ADGRB3: variants seen among roughly 807,000 people sequenced by gnomAD.
ADGRB3 encodes brain-specific angiogenesis inhibitor 3.
Under a neutral mutation model 193.4 loss-of-function variants are expected in ADGRB3, and 37 were observed. The ratio of observed to expected loss-of-function variants is 0.19; its 90% confidence interval spans 0.15 to 0.25. The LOEUF (loss-of-function observed/expected upper bound fraction) is 0.25, where lower values mean the gene tolerates loss of function less well. Among genes scored for constraint, ADGRB3 ranks in the 10% least tolerant of loss-of-function variants. ADGRB3 has a pLI of 1.00. For synonymous variants in ADGRB3, 690 were observed against 644.2 expected (o/e 1.07, Z -1.08); for missense variants, 1,637 against 1,852.9 (o/e 0.88, Z 2.14).
intron 3 of ADGRB3, among the ~76,000 whole-genome samples, chr6:68,853,434 G>A (rs997338494): frequency 5.9e-5 from 9 of 151,914 alleles, no homozygotes; most frequent in Admixed American, 1.3e-4. Flanking sequence ...TTTTCATCCT[G>A]TAGTGATTCT....
intron 13 of ADGRB3, among the ~76,000 whole-genome samples, chr6:69,040,361 CTT>C (rs761303233): frequency 0.089 from 6,562 of 73,926 alleles, 299 homozygotes; most frequent in Middle Eastern, 0.11. Context: ...TTCTTTCTTT[CTT>C]TCTTTCTTTC....
chr6:69,274,623 C>CTTCCTTCCT, intron 20 of ADGRB3, among the ~76,000 whole-genome samples: 1 of 130,394 alleles, frequency 7.7e-6, no homozygotes, highest in Non-Finnish European at 1.6e-5. Flanking sequence ...CCCTCCCTCC[C>CTTCCTTCCT]TTCCTTCCTT....
chr6:68,912,419 C>G (rs1422736794), intron 3 of ADGRB3, among the ~76,000 whole-genome samples: 2 of 150,928 alleles, frequency 1.3e-5, no homozygotes, highest in African/African-American at 4.9e-5. Flanking sequence ...GCACAATGTG[C>G]AGGTTAGTTA....
At chr6:69,007,013 A>G (rs1050452808) in intron 11 of ADGRB3, among the ~76,000 whole-genome samples, 1 of 152,066 alleles carries the variant, frequency 6.6e-6, no homozygotes, top group Non-Finnish European at 1.5e-5. Context: ...AAACCTGCCC[A>G]CTGGGTCTCT....
chr6:68,805,220 T>C (rs1399203837), intron 3 of ADGRB3, among the ~76,000 whole-genome samples: 1 of 152,202 alleles, frequency 6.6e-6, no homozygotes, highest in African/African-American at 2.4e-5. Context: ...GGATTACAGG[T>C]GTGAGCCACT....
chr6:69,270,275 G>A (rs1396196792), intron 20 of ADGRB3, among the ~76,000 whole-genome samples: 2 of 152,056 alleles, frequency 1.3e-5, no homozygotes, highest in African/African-American at 2.4e-5. Flanking sequence ...ACATACTGTT[G>A]GTAACACAGC....
Position 68,686,108 on chromosome 6 carries a change from G to A in ADGRB3, c.757+46676G>A, listed in dbSNP as rs565266937. On this transcript the variant is annotated intron_variant, in intron 3 of 31. Coordinates refer to ENST00000370598, the MANE Select transcript of ADGRB3 (RefSeq NM_001704.3). The stretch of plus-strand genomic sequence containing the variant: ...AAAGAAGTCAGAAGGAGCCAAAGAA[G>A]GATTGTAAGGTGGACACCTGAAGAT... Among the ~76,000 whole-genome samples the A allele has an allele frequency of 2.6e-5, 4 of 152,198 alleles. No individual in the cohort carries two copies. In the East Asian group the frequency reaches 5.8e-4, roughly 22 times the overall value.
In ADGRB3 at chr6:68,646,475, CAAAAAAA is replaced by C. The variant is rs368034374; in HGVS notation, c.757+7055_757+7061del. Among the ~76,000 whole-genome samples, 8 of 107,608 alleles carry C rather than the reference CAAAAAAA, an allele frequency of 7.4e-5. No individual in the cohort carries two copies. In the South Asian group the frequency reaches 9.4e-4, roughly 13 times the overall value. The allele number at this position is 107,608 out of a possible 152,430, so 70.6% of individuals were successfully genotyped here. ...CTGGCCAACAAGAGCGAAACTCTGT[CAAAAAAA>C]AAAAAAAAAAAGAAAAAAGAAAAAA... On this transcript the variant is annotated intron_variant, in intron 3 of 31. Transcript: ENST00000370598.
rs1215090327 is a variant in ADGRB3 at position 68,745,375 on chromosome 6, G to A, written c.757+105943G>A. 1.1e-4 allele frequency among the ~76,000 whole-genome samples: 16 copies of A among 152,232 alleles called. No individual in the cohort carries two copies. In the East Asian group the frequency reaches 3.1e-3, roughly 29 times the overall value. Reference sequence around the variant, plus strand: ...ATATATTGTATGATTCCACTTATATGAGGTATCCAAAGTAGTCAAATTTAT... The same window carrying A: ...ATATATTGTATGATTCCACTTATATAAGGTATCCAAAGTAGTCAAATTTAT... On this transcript the variant is annotated intron_variant, in intron 3 of 31. Transcript: ENST00000370598.
At chr6:69,067,544 A>G (rs1445190663) in intron 16 of ADGRB3, among the ~76,000 whole-genome samples, 1 of 152,160 alleles carries the variant, frequency 6.6e-6, no homozygotes, top group Non-Finnish European at 1.5e-5. Flanking sequence ...TAACCTAAGG[A>G]TTTAAAAATC....
At chr6:69,058,762 T>A (rs1771624151) in intron 15 of ADGRB3, among the ~76,000 whole-genome samples, 1 of 152,102 alleles carries the variant, frequency 6.6e-6, no homozygotes, top group Non-Finnish European at 1.5e-5. Flanking sequence ...TTCAGTGTTT[T>A]TCTTAGTATT....
At chr6:69,141,816 A>G (rs1172382601) in intron 17 of ADGRB3, among the ~76,000 whole-genome samples, 1 of 152,224 alleles carries the variant, frequency 6.6e-6, no homozygotes, top group Non-Finnish European at 1.5e-5. Flanking sequence ...TTTAGTTATG[A>G]CCAAGTTCAA....
chr6:69,326,708 A>G (rs1300235120), intron 21 of ADGRB3, among the ~76,000 whole-genome samples: 1 of 152,058 alleles, frequency 6.6e-6, no homozygotes, highest in Non-Finnish European at 1.5e-5. Flanking sequence ...GTTATAACCC[A>G]TGAGGAATTT....
intron 17 of ADGRB3, among the ~76,000 whole-genome samples, chr6:69,164,050 G>A (rs139964009): frequency 4.5e-4 from 68 of 152,158 alleles, no homozygotes; most frequent in African/African-American, 1.6e-3. Flanking sequence ...GATCTTTGAA[G>A]GTGAGGTATT....
chr6:69,282,985 A>G lies in ADGRB3; in HGVS notation c.2815-41887A>G, dbSNP rs148906113. 2.2e-4 allele frequency among the ~76,000 whole-genome samples: 34 copies of G among 152,256 alleles called. 1 individual carries two copies. In the East Asian group the frequency reaches 6.2e-3, roughly 28 times the overall value. On this transcript the variant is annotated intron_variant, in intron 20 of 31. Coordinates refer to ENST00000370598, the MANE Select transcript of ADGRB3 (RefSeq NM_001704.3). ...GAGCTAGCATAGACAGGATGGATAG[A>G]AAATAAAAGAGATGGGCCATGAGGA... is the stretch of plus-strand genomic sequence containing the variant.
intron 8 of ADGRB3, 123 bp downstream of exon 8, chr6:68,956,932 G>C: frequency 9.1e-7 from 1 of 1,095,902 alleles, no homozygotes; most frequent in Non-Finnish European, 1.3e-6. Flanking sequence ...ATGATAGGTG[G>C]CAATTTACTT....
intron 17 of ADGRB3, among the ~76,000 whole-genome samples, chr6:69,116,465 G>A (rs774222888): frequency 6.6e-6 from 1 of 152,144 alleles, no homozygotes; most frequent in East Asian, 1.9e-4. Flanking sequence ...GCTATGAGGA[G>A]ATTGGACATG....
At chr6:68,991,112 G>A (rs889366392) in intron 10 of ADGRB3, among the ~76,000 whole-genome samples, 6 of 152,198 alleles carry the variant, frequency 3.9e-5, no homozygotes, top group African/African-American at 1.4e-4. Context: ...CTTTAAGTCA[G>A]GTAGTGTGTT....
At chr6:69,148,396 C>A (rs890865355) in intron 17 of ADGRB3, among the ~76,000 whole-genome samples, 3 of 152,044 alleles carry the variant, frequency 2.0e-5, no homozygotes, top group Admixed American at 2.0e-4. Flanking sequence ...AACATACAAA[C>A]TAACAAGAAA....
Sources: allele counts gnomAD v4.1 joint callset (sites outside exome capture counted in the v4.1 genomes callset), GRCh38; gene constraint gnomAD v4.1.1; transcripts MANE v1.5; gene names NCBI Gene and HGNC (gene_info 2026-07-23, HGNC 2026-07-21).